Variants in ZNF475 observed in about 807,000 individuals in gnomAD.
ZNF475 encodes the protein zinc finger protein 475.
the ZNF475 span, among the ~76,000 whole-genome samples, chr5:122,173,427 C>T: frequency 1.2e-4 from 19 of 152,284 alleles, no homozygotes; most frequent in South Asian, 3.5e-3. Flanking sequence ...TTCTCCCCTG[C>T]TTCAATAGTG....
chr5:122,178,494 T>C, the ZNF475 span, among the ~76,000 whole-genome samples: 3 of 152,346 alleles, frequency 2.0e-5, no homozygotes, highest in East Asian at 5.8e-4. Flanking sequence ...CCAGTGATGA[T>C]GAGTTTTTTC....
At chr5:122,169,712 A>G in the ZNF475 span, among the ~76,000 whole-genome samples, 47,263 of 152,052 alleles carry the variant, frequency 0.31, 11,150 homozygotes, top group African/African-American at 0.65. Context: ...ATTATATGGC[A>G]ATATGTCAAG....
the ZNF475 span, among the ~76,000 whole-genome samples, chr5:122,168,021 T>C: frequency 6.6e-6 from 1 of 152,176 alleles, no homozygotes; most frequent in Non-Finnish European, 1.5e-5. Context: ...TTTATGGATG[T>C]TTCCAGTTGC....
At chr5:122,182,208 C>A in the ZNF475 span, among the ~76,000 whole-genome samples, 6 of 152,164 alleles carry the variant, frequency 3.9e-5, no homozygotes, top group African/African-American at 1.2e-4. Flanking sequence ...AAAACAATGT[C>A]TTTCCCTTTT....
the ZNF475 span, chr5:122,179,733 A>G: frequency 3.4e-6 from 5 of 1,491,746 alleles, no homozygotes; most frequent in Non-Finnish European, 4.4e-6. Context: ...CATTACTGGT[A>G]AGTTCCTAGA....
the ZNF475 span, among the ~76,000 whole-genome samples, chr5:122,165,312 T>C: frequency 3.3e-5 from 5 of 152,224 alleles, no homozygotes; most frequent in African/African-American, 1.2e-4. Flanking sequence ...GAAAAGCATC[T>C]GATTCATCCC....
the ZNF475 span, among the ~76,000 whole-genome samples, chr5:122,169,482 G>T: frequency 6.6e-6 from 1 of 152,194 alleles, no homozygotes. Context: ...CAGCAAAATT[G>T]AGGACTGTGG....
the ZNF475 span, chr5:122,179,929 A>T: frequency 2.3e-5 from 10 of 438,036 alleles, no homozygotes; most frequent in Non-Finnish European, 4.0e-5. Flanking sequence ...ACATAAAGAC[A>T]CTATGTCCTG....
At chr5:122,160,198 G>A in the ZNF475 span, 1 of 1,288,940 alleles carries the variant, frequency 7.8e-7, no homozygotes. Flanking sequence ...TGCCAACCAT[G>A]CCTGCATATC....
the ZNF475 span, among the ~76,000 whole-genome samples, chr5:122,166,341 T>C: frequency 6.6e-6 from 1 of 152,156 alleles, no homozygotes; most frequent in Non-Finnish European, 1.5e-5. Flanking sequence ...TGGTCAGTTA[T>C]GTTTCTTTTT....
At chr5:122,177,630 A>G in the ZNF475 span, among the ~76,000 whole-genome samples, 8 of 152,206 alleles carry the variant, frequency 5.3e-5, no homozygotes, top group Non-Finnish European at 1.2e-4. Context: ...CCAAAAAGAT[A>G]AAGTCACCAG....
At chr5:122,165,164 T>TG in the ZNF475 span, among the ~76,000 whole-genome samples, 16 of 152,206 alleles carry the variant, frequency 1.1e-4, no homozygotes, top group Admixed American at 6.5e-5. Context: ...TTCCTCCAGA[T>TG]GCATCTGCAT....
chr5:122,175,532 C>T, the ZNF475 span, among the ~76,000 whole-genome samples: 1,236 of 152,266 alleles, frequency 8.1e-3, 10 homozygotes, highest in African/African-American at 0.028. Flanking sequence ...TGAATCATTA[C>T]TACATTCCCC....
chr5:122,175,044 T>C, the ZNF475 span, among the ~76,000 whole-genome samples: 3 of 152,216 alleles, frequency 2.0e-5, no homozygotes, highest in Non-Finnish European at 2.9e-5. Flanking sequence ...GATAAATAAC[T>C]ATTTAGTTAT....
chr5:122,172,826 G>A, the ZNF475 span, among the ~76,000 whole-genome samples: 2 of 152,252 alleles, frequency 1.3e-5, no homozygotes, highest in African/African-American at 4.8e-5. Context: ...GAGGTCAGGA[G>A]ATCGAGACCA....
the ZNF475 span, chr5:122,180,009 C>G: frequency 4.2e-6 from 1 of 235,772 alleles, no homozygotes. Flanking sequence ...CATACATCAT[C>G]AAACCCTTTG....
chr5:122,178,602 G>A, the ZNF475 span, among the ~76,000 whole-genome samples: 1 of 151,970 alleles, frequency 6.6e-6, no homozygotes, highest in African/African-American at 2.4e-5. Context: ...TTCTTGTGAA[G>A]TTGTTTAAGT....
the ZNF475 span, chr5:122,160,392 G>C: frequency 6.7e-6 from 4 of 600,908 alleles, no homozygotes; most frequent in South Asian, 6.4e-5. Flanking sequence ...TAGAGCAACA[G>C]CCTCATGAGT....
At chr5:122,178,891 C>T in the ZNF475 span, among the ~76,000 whole-genome samples, 1 of 152,172 alleles carries the variant, frequency 6.6e-6, no homozygotes, top group African/African-American at 2.4e-5. Context: ...ATTCTTTCAT[C>T]CATCTTGACT....
Sources: allele counts gnomAD v4.1 joint callset (sites outside exome capture counted in the v4.1 genomes callset), GRCh38; gene constraint gnomAD v4.1.1; transcripts MANE v1.5; gene names NCBI Gene and HGNC (gene_info 2026-07-23, HGNC 2026-07-21).